Variants in PCDHGA5 observed in about 807,000 individuals in gnomAD.
The protein encoded by PCDHGA5 is protocadherin gamma subfamily A, 5, also known as protocadherin gamma-A5.
In PCDHGA5, 36 loss-of-function variants were observed where a neutral mutation model predicts 56.7. The observed-to-expected ratio is 0.64, with a 90% CI of 0.49 to 0.84. The LOEUF (loss-of-function observed/expected upper bound fraction) is 0.84, where lower values mean the gene tolerates loss of function less well. Ranked by LOEUF, PCDHGA5 falls within the 40% of genes least tolerant of loss-of-function variation. The pLI, the probability that PCDHGA5 is intolerant of heterozygous loss-of-function variation, is 0.00. For synonymous variants in PCDHGA5, 563 were observed against 520.2 expected (o/e 1.08, Z -1.12); for missense variants, 1,305 against 1,201.5 (o/e 1.09, Z -1.27).
intron 1 of PCDHGA5, chr5:141,374,885 G>T: frequency 6.2e-7 from 1 of 1,613,628 alleles, no homozygotes; most frequent in South Asian, 1.1e-5. Flanking sequence ...GACTGCCACC[G>T]ACCAGGATGA....
rs761472193 is a variant in PCDHGA5 at position 141,370,472 on chromosome 5, C to A, written c.2421+3721C>A. 115 of 1,613,332 alleles carry A rather than the reference C, an allele frequency of 7.1e-5. No individual in the cohort carries two copies. The Admixed American group carries it at 1.9e-3, about 27-fold the overall frequency. On this transcript the variant is annotated intron_variant, in intron 1 of 3. Transcript: ENST00000518069. ...TTCTCTTCCTGCTCTCTTTGTTAGA[C>A]CAGGCTCTCTCCGAACCGATCCGCT...
chr5:141,434,566 G>A (rs1280487112), intron 1 of PCDHGA5, among the ~76,000 whole-genome samples: 1 of 152,196 alleles, frequency 6.6e-6, no homozygotes, highest in African/African-American at 2.4e-5. Flanking sequence ...TTAAGGACAT[G>A]CCCCTGCTGC....
chr5:141,478,293 T>C (rs2099444312), intron 1 of PCDHGA5: 2 of 1,614,026 alleles, frequency 1.2e-6, no homozygotes. Context: ...TCTAGAGACC[T>C]ATACCGAGCC....
At position 141,490,171 on chromosome 5, in the gene PCDHGA5, G is replaced by A. The variant is rs374421995; in HGVS notation, c.2422-4636G>A. 4 of 1,614,100 alleles carry A rather than the reference G, an allele frequency of 2.5e-6. No individual in the cohort carries two copies. The highest frequency in any genetic ancestry group is 3.4e-6 in the Non-Finnish European group (4 of 1,180,034). On this transcript the variant is annotated intron_variant, in intron 1 of 3. Coordinates refer to ENST00000518069, the MANE Select transcript of PCDHGA5 (RefSeq NM_018918.3). The surrounding 1 kb of genome is among the most constrained non-coding windows in gnomAD (Gnocchi z 5.4). ...CCATGTGTTGGGTCCCATAGACTTT[G>A]AGGAGTCACGTTTCTATGAAATTCA...
At chr5:141,426,004 C>T (rs573455573) in intron 1 of PCDHGA5, among the ~76,000 whole-genome samples, 10 of 152,264 alleles carry the variant, frequency 6.6e-5, no homozygotes, top group Non-Finnish European at 8.8e-5. Flanking sequence ...CAAAGGCTTC[C>T]GGCTGCAGTT....
chr5:141,374,181 A>C (rs765792921), intron 1 of PCDHGA5: 2 of 1,613,530 alleles, frequency 1.2e-6, no homozygotes, highest in African/African-American at 2.7e-5. Flanking sequence ...CAGATCCGCT[A>C]CTCTATTCCC....
chr5:141,496,747 A>T (rs13188028), intron 2 of PCDHGA5, among the ~76,000 whole-genome samples: 1 of 152,124 alleles, frequency 6.6e-6, no homozygotes, highest in Non-Finnish European at 1.5e-5. Context: ...CATTTATTCA[A>T]CAAATATTTA....
intron 1 of PCDHGA5, chr5:141,413,604 C>T: frequency 5.6e-6 from 9 of 1,613,818 alleles, no homozygotes; most frequent in Non-Finnish European, 7.6e-6. Flanking sequence ...AAAATCTAGA[C>T]GTAAAAATTA....
chr5:141,390,790 G>C (rs2092232072), intron 1 of PCDHGA5: 2 of 166,124 alleles, frequency 1.2e-5, no homozygotes, highest in Admixed American at 1.2e-4. Flanking sequence ...TGTTTCAAAA[G>C]CTCTTAGAAT....
At chr5:141,374,737 C>A in intron 1 of PCDHGA5, 2 of 1,610,672 alleles carry the variant, frequency 1.2e-6, no homozygotes, top group Non-Finnish European at 1.7e-6. Context: ...TGGATGGCGG[C>A]GACCCTGTCC....
chr5:141,419,275 G>A, intron 1 of PCDHGA5: 26 of 1,613,974 alleles, frequency 1.6e-5, no homozygotes, highest in Non-Finnish European at 2.2e-5. Flanking sequence ...CCTCCATAGC[G>A]CAAGTCAGTG....
rs375915850 is a variant in PCDHGA5, at chr5:141,397,975, G to A, written c.2421+31224G>A. The A allele has an allele frequency of 2.3e-4, 272 of 1,189,006 alleles. 1 individual carries two copies. Among genetic ancestry groups the A allele is most frequent in the African/African-American group, 9.9e-4 (64 of 64,918 alleles). 73.7% of individuals were successfully genotyped at this position (1,189,006 alleles called of 1,614,324 possible). ...GCCCCAGCTCAGACTCCCCAGCGCC[G>A]GCCTTTACACCGCTTCCTCCTCGGA... On this transcript the variant is annotated intron_variant, in intron 1 of 3. Transcript: ENST00000518069.
intron 1 of PCDHGA5, among the ~76,000 whole-genome samples, chr5:141,396,846 C>T (rs2093443938): frequency 6.6e-6 from 1 of 152,166 alleles, no homozygotes; most frequent in Admixed American, 6.5e-5. Flanking sequence ...TGGGAGTTAA[C>T]TTCATAGTTT....
chr5:141,435,906 A>C (rs1246100275), intron 1 of PCDHGA5, among the ~76,000 whole-genome samples: 1 of 152,182 alleles, frequency 6.6e-6, no homozygotes, highest in African/African-American at 2.4e-5. Context: ...AAAGACATCC[A>C]AGGGCTCTAA....
At chr5:141,380,577 C>T (rs187039576) in intron 1 of PCDHGA5, among the ~76,000 whole-genome samples, 268 of 152,102 alleles carry the variant, frequency 1.8e-3, no homozygotes, top group African/African-American at 5.8e-3. Flanking sequence ...CATATCTTGG[C>T]GGTCTAGTAA....
intron 1 of PCDHGA5, among the ~76,000 whole-genome samples, chr5:141,448,660 G>T (rs2098599264): frequency 6.6e-6 from 1 of 151,712 alleles, no homozygotes; most frequent in African/African-American, 2.4e-5. Context: ...TTCCATATTG[G>T]CCGGGCGCGG....
intron 1 of PCDHGA5, chr5:141,376,167 T>C (rs1772357284): frequency 3.1e-6 from 5 of 1,614,124 alleles, no homozygotes; most frequent in East Asian, 2.2e-5. Context: ...TACCTGGTGG[T>C]GGCGGTGGCC....
intron 1 of PCDHGA5, chr5:141,413,176 A>T: frequency 6.2e-7 from 1 of 1,601,892 alleles, no homozygotes; most frequent in Non-Finnish European, 8.5e-7. Context: ...CCAGACTACA[A>T]TGGCCGCTCA....
chr5:141,417,713 C>G, intron 1 of PCDHGA5: 1 of 1,271,750 alleles, frequency 7.9e-7, no homozygotes, highest in Non-Finnish European at 1.1e-6. Flanking sequence ...CAGAGGCTCC[C>G]GGCTGCGCAG....
Sources: gnomAD v4.1 joint callset for allele counts (sites outside exome capture counted in the v4.1 genomes callset) on GRCh38, gnomAD v4.1.1 for gene constraint, Gnocchi (gnomAD v3.1) non-coding constraint, MANE v1.5 for transcripts, NCBI Gene and HGNC (gene_info 2026-07-23, HGNC 2026-07-21) for gene names.